MYOM3: variants seen among roughly 807,000 people sequenced by gnomAD.
The protein encoded by MYOM3 is myomesin 3.
A neutral mutation model predicts 191.7 loss-of-function variants in MYOM3; 155 were observed. The observed-to-expected ratio is 0.81, with a 90% CI of 0.71 to 0.92. The LOEUF (loss-of-function observed/expected upper bound fraction) is 0.92. MYOM3 is among the 40% of genes least tolerant of loss of function. The pLI is 0.00. For synonymous variants in MYOM3, 757 were observed against 762.9 expected, an observed-to-expected ratio of 0.99 and a Z score of 0.13; for missense variants, 1,889 against 1,890.6, an observed-to-expected ratio of 1.00 and a Z score of 0.02.
chr1:24,100,882 G>A lies in MYOM3; in HGVS notation c.561-1107C>T, dbSNP rs1248577967. On this transcript the variant is annotated intron_variant, in intron 5 of 36. Coordinates refer to ENST00000374434, the MANE Select transcript of MYOM3 (RefSeq NM_152372.4). Reference sequence around the variant, plus strand: ...AGCCTGGGCAACAGAGCGAGACTCCGTCTCAAAAAAAAAAAAAAAGGAAAA... The same window carrying A: ...AGCCTGGGCAACAGAGCGAGACTCCATCTCAAAAAAAAAAAAAAAGGAAAA... Among the ~76,000 whole-genome samples the A allele has an allele frequency of 3.5e-5, 5 of 144,118 alleles. No individual in the cohort carries two copies. The South Asian group carries it at 1.1e-3, about 31-fold the overall frequency. 94.5% of individuals were successfully genotyped at this position (144,118 alleles called of 152,430 possible). A position where few individuals can be genotyped will look rare whatever the true frequency, so the allele number is the denominator to read the frequency against.
intron 29 of MYOM3, 150 bp downstream of exon 29, chr1:24,065,741 G>A: frequency 2.8e-6 from 2 of 712,190 alleles, no homozygotes; most frequent in Non-Finnish European, 5.2e-6. Flanking sequence ...TGATTACTGA[G>A]TTTTTTGGTG....
At chr1:24,092,926 T>C in intron 10 of MYOM3, 21 bp downstream of exon 10, 1 of 1,509,216 alleles carries the variant, frequency 6.6e-7, no homozygotes, top group Admixed American at 2.3e-5. Context: ...GCTGCTACCC[T>C]GCGCCCACCC....
intron 5 of MYOM3, among the ~76,000 whole-genome samples, chr1:24,103,428 T>G (rs1194225106): frequency 6.6e-6 from 1 of 152,278 alleles, no homozygotes; most frequent in Non-Finnish European, 1.5e-5. Context: ...GAGTGATTTC[T>G]ATTTCTCTGT....
chr1:24,109,490 T>C (rs908854937), intron 1 of MYOM3, among the ~76,000 whole-genome samples: 7 of 152,236 alleles, frequency 4.6e-5, no homozygotes, highest in African/African-American at 1.7e-4. Context: ...TCTTTTGTAC[T>C]TATTTTCTAG....
rs940082992 is a variant in MYOM3, at chr1:24,111,441, C to T, written c.-19+590G>A. ...GGGCGGCGGGTGGCACAGGCTGGGA[C>T]GTGTTCTTAGCCAGTGGCTCCACCA... On this transcript the variant is annotated intron_variant, in intron 1 of 36. Coordinates refer to ENST00000374434, the MANE Select transcript of MYOM3 (RefSeq NM_152372.4). This position sits in a 1 kb window ranked among gnomAD's most constrained non-coding sequence, Gnocchi z 4.7. 1.3e-4 allele frequency among the ~76,000 whole-genome samples: 20 copies of T among 152,186 alleles called. No homozygotes were observed. The highest frequency in any genetic ancestry group is 4.1e-4 in the African/African-American group (17 of 41,438).
In MYOM3 at chr1:24,068,211, G is replaced by A. The variant is rs201889943; in HGVS notation, c.3295+12C>T. Reference sequence around the variant, plus strand: ...GGCAGGGCTGGGCGGGGCGAGGCTGGGCATGGCTGACCGTCATCCACCAGT... The same window carrying A: ...GGCAGGGCTGGGCGGGGCGAGGCTGAGCATGGCTGACCGTCATCCACCAGT... On this transcript the variant is annotated intron_variant, in intron 26 of 36. Transcript: ENST00000374434. 5.0e-6 allele frequency: 8 copies of A among 1,613,144 alleles called. No homozygotes were observed. In the East Asian group the frequency reaches 1.8e-4, roughly 36 times the overall value.
rs764702329 is a variant in MYOM3 at position 24,057,517 on chromosome 1, C to A, written c.4161G>T (p.Gly1387=). 3 of 1,614,220 alleles carry A rather than the reference C, an allele frequency of 1.9e-6. No individual in the cohort carries two copies. The highest frequency in any genetic ancestry group is 2.2e-5 in the South Asian group (2 of 91,084). Residue 1387 remains glycine (G), a synonymous_variant, in exon 37 of 37, where the codon GGG becomes GGT. Coordinates refer to ENST00000374434, the MANE Select transcript of MYOM3 (RefSeq NM_152372.4). ...FLDRYRMEVR[G]TEVTITIEKV... ...TCTCAATGGTGATGGTGACCTCTGT[C>A]CCCCTCACTTCCATGCGGTATCGGT...
rs562930635 is a variant in MYOM3 at position 24,094,987 on chromosome 1, G to C, written c.794C>G (p.Ser265Trp). The C allele has an allele frequency of 2.5e-5, 40 of 1,612,626 alleles. No homozygotes were observed. The South Asian group carries it at 3.3e-4, about 13-fold the overall frequency. Residue 265 changes from serine (S) to tryptophan (W), a missense_variant, in exon 9 of 37, where the codon TCG (serine) becomes TGG (tryptophan). Transcript: ENST00000374434. ...AGFDSEIFKR[S>W]TFGPSVEFTS... ...GAATTCCACGCTGGGGCCAAACGTC[G>C]ATCCTGGCGTGGGAATGAAATTTGG...
At chr1:24,084,421 T>A (rs1277281293) in intron 16 of MYOM3, 47 bp downstream of exon 16, 46 of 1,595,770 alleles carry the variant, frequency 2.9e-5, no homozygotes, top group Non-Finnish European at 3.8e-5. Flanking sequence ...CTCAGGTATG[T>A]CTTTATAGCA....
At chr1:24,060,982 C>T in intron 35 of MYOM3, 78 bp downstream of exon 35, 1 of 1,553,280 alleles carries the variant, frequency 6.4e-7, no homozygotes, top group South Asian at 1.1e-5. Flanking sequence ...CCTTCAGCAG[C>T]CCACCAAGAG....
chr1:24,059,249 C>T (rs1377763152), intron 35 of MYOM3, among the ~76,000 whole-genome samples: 1 of 152,182 alleles, frequency 6.6e-6, no homozygotes, highest in African/African-American at 2.4e-5. Flanking sequence ...TCCTCCCCCG[C>T]TCAGCCTCCT....
chr1:24,094,777 G>A (rs1306378831), intron 9 of MYOM3, 76 bp downstream of exon 9: 53 of 1,425,784 alleles, frequency 3.7e-5, no homozygotes, highest in East Asian at 4.6e-5. Context: ...TGTCCGCTAG[G>A]GGTCCTCTCT....
At chr1:24,105,873 C>G in intron 5 of MYOM3, 47 bp downstream of exon 5, 1 of 1,544,784 alleles carries the variant, frequency 6.5e-7, no homozygotes, top group Non-Finnish European at 8.8e-7. Context: ...GAGGAACTCA[C>G]TTGTGACCCC....
chr1:24,063,658 A>T lies in MYOM3; in HGVS notation c.3623-128T>A. The T allele has an allele frequency of 9.6e-7, 1 of 1,039,216 alleles. No individual in the cohort carries two copies. The highest frequency in any genetic ancestry group is 2.6e-5 in the East Asian group (1 of 39,054). 64.4% of individuals were successfully genotyped at this position (1,039,216 alleles called of 1,614,324 possible). On this transcript the variant is annotated intron_variant, in intron 30 of 36. Coordinates refer to ENST00000374434, the MANE Select transcript of MYOM3 (RefSeq NM_152372.4). This position sits in a 1 kb window ranked among gnomAD's most constrained non-coding sequence, Gnocchi z 4.5. Reference sequence around the variant, plus strand: ...CTCTCAGGGGGACAGGCAACTCTGTAGGATGACTCTCATAGCTTGGGGATA... The same window carrying T: ...CTCTCAGGGGGACAGGCAACTCTGTTGGATGACTCTCATAGCTTGGGGATA...
At chr1:24,106,184 G>A (rs1643981997) in intron 4 of MYOM3, 107 bp from the exon 5 acceptor site, 5 of 1,275,968 alleles carry the variant, frequency 3.9e-6, no homozygotes, top group African/African-American at 1.5e-5. Context: ...AGACCCACAT[G>A]GGCTGGAGTT....
At chr1:24,077,994 G>T (rs988374185) in intron 20 of MYOM3, among the ~76,000 whole-genome samples, 1 of 152,176 alleles carries the variant, frequency 6.6e-6, no homozygotes, top group East Asian at 1.9e-4. Context: ...GATTATAAAA[G>T]AGATACACAC....
intron 15 of MYOM3, among the ~76,000 whole-genome samples, chr1:24,085,923 C>G (rs1419470583): frequency 2.0e-5 from 3 of 152,172 alleles, no homozygotes. Flanking sequence ...CCAAATGGGA[C>G]CTTCAGCAAA....
At position 24,108,546 on chromosome 1, in the gene MYOM3, C is replaced by G; in HGVS notation, c.91G>C (p.Glu31Gln). Residue 31 changes from glutamate to glutamine, a missense_variant, in exon 2 of 37, where the codon GAG (glutamate) becomes CAG (glutamine). Glu to Gln is a conservative substitution (Grantham distance 29). Coordinates refer to ENST00000374434, the MANE Select transcript of MYOM3 (RefSeq NM_152372.4). ...CTGTGCTGCCGCTCCTCCTTCTGCT[C>G]CTCCTCCTGCCGGTGCTCCAGCCTG... ...VHRLEHRQEE[E>Q]QKEERQHSLR... The G allele has an allele frequency of 6.3e-7, 1 of 1,578,302 alleles. No homozygotes were observed. Among genetic ancestry groups the G allele is most frequent in the Non-Finnish European group, 8.6e-7 (1 of 1,162,538 alleles).
rs541054382 is a variant in MYOM3, at chr1:24,087,975, A to G, written c.1615-1148T>C. 6.6e-6 allele frequency among the ~76,000 whole-genome samples: 1 copy of G among 152,300 alleles called. No homozygotes were observed. Among genetic ancestry groups the G allele is most frequent in the South Asian group, 2.1e-4 (1 of 4,818 alleles). ...AAAGTCAGGTTCAGAGAGTTTCGGT[A>G]ACTTGGCCAAAAGTCCTGCATCTAA... On this transcript the variant is annotated intron_variant, in intron 14 of 36. Coordinates refer to ENST00000374434, the MANE Select transcript of MYOM3 (RefSeq NM_152372.4). This position sits in a 1 kb window ranked among gnomAD's most constrained non-coding sequence, Gnocchi z 4.5.
Sources: allele counts gnomAD v4.1 joint callset (sites outside exome capture counted in the v4.1 genomes callset), GRCh38; gene constraint gnomAD v4.1.1; non-coding constraint Gnocchi (gnomAD v3.1); transcripts MANE v1.5; gene names NCBI Gene and HGNC (gene_info 2026-07-23, HGNC 2026-07-21).